ELMO1: variants seen among roughly 807,000 people sequenced by gnomAD.
ELMO1 encodes the protein engulfment and cell motility 1.
In ELMO1, 26 loss-of-function variants were observed where a neutral mutation model predicts 98.9. That is an observed-to-expected ratio of 0.26 (90% CI 0.19 to 0.36). The LOEUF (loss-of-function observed/expected upper bound fraction) is 0.36, where lower values mean the gene tolerates loss of function less well. Ranked by LOEUF, ELMO1 falls within the 10% of genes least tolerant of loss-of-function variation. The pLI, the probability that ELMO1 is intolerant of heterozygous loss-of-function variation, is 1.00. For synonymous variants in ELMO1, 346 were observed against 346.0 expected, an observed-to-expected ratio of 1.00 and a Z score of 0.00; for missense variants, 627 against 935.2, an observed-to-expected ratio of 0.67 and a Z score of 4.30.
intron 16 of ELMO1, among the ~76,000 whole-genome samples, chr7:37,012,824 C>T (rs989876892): frequency 3.3e-5 from 5 of 152,282 alleles, no homozygotes; most frequent in African/African-American, 1.2e-4. Context: ...TTCTTCTTGA[C>T]GTAGCTCGGG....
At chr7:36,897,576 A>G (rs569869671) in intron 16 of ELMO1, among the ~76,000 whole-genome samples, 28 of 152,230 alleles carry the variant, frequency 1.8e-4, no homozygotes, top group Admixed American at 1.0e-3. Flanking sequence ...GGAGTAGGAG[A>G]AGGAAGCTGG....
intron 13 of ELMO1, among the ~76,000 whole-genome samples, chr7:37,178,608 AT>A (rs201907769): frequency 0.023 from 1,181 of 50,460 alleles, 19 homozygotes; most frequent in African/African-American, 0.06. Context: ...TCTCAAAAAA[AT>A]TTTTTTAATT....
intron 1 of ELMO1, chr7:37,343,172 T>G: frequency 6.4e-6 from 1 of 156,854 alleles, no homozygotes; most frequent in South Asian, 1.9e-4. Flanking sequence ...GCCCAGGAAG[T>G]CATGGTCAGG....
intron 13 of ELMO1, among the ~76,000 whole-genome samples, chr7:37,172,530 A>G (rs1449307162): frequency 1.3e-5 from 2 of 152,198 alleles, no homozygotes; most frequent in African/African-American, 2.4e-5. Flanking sequence ...TATTCCTGCT[A>G]TTCTTTCATA....
chr7:37,398,165 T>A (rs1364044973), intron 1 of ELMO1, among the ~76,000 whole-genome samples: 3 of 152,166 alleles, frequency 2.0e-5, no homozygotes, highest in African/African-American at 4.8e-5. Context: ...ATTTAACATT[T>A]AAATTTAAAT....
chr7:37,237,446 T>C (rs887090452), intron 7 of ELMO1, among the ~76,000 whole-genome samples: 1 of 152,110 alleles, frequency 6.6e-6, no homozygotes, highest in Non-Finnish European at 1.5e-5. Context: ...CACACCACCA[T>C]GCCCAGCTAA....
At position 37,155,797 on chromosome 7, in the gene ELMO1, T is replaced by C. The variant is rs576171446; in HGVS notation, c.1087-22563A>G. ...GAAAATTAACACGGATATCCAGGAA[T>C]TGAACTCAGCTATGGACCAAGCAGA... On this transcript the variant is annotated intron_variant, in intron 13 of 21. Transcript: ENST00000310758. 1.1e-3 allele frequency among the ~76,000 whole-genome samples: 174 copies of C among 152,196 alleles called. 1 individual carries two copies. Among genetic ancestry groups the C allele is most frequent in the Non-Finnish European group, 2.2e-3 (150 of 68,018 alleles).
At chr7:37,178,170 G>T (rs1338617555) in intron 13 of ELMO1, among the ~76,000 whole-genome samples, 2 of 152,038 alleles carry the variant, frequency 1.3e-5, no homozygotes, top group African/African-American at 2.4e-5. Flanking sequence ...AGAAAAAGAG[G>T]TTTAATGGAC....
At position 36,855,229 on chromosome 7, in the gene ELMO1, G is replaced by A; in HGVS notation, c.*322C>T. 2 of 349,820 alleles carry A rather than the reference G, an allele frequency of 5.7e-6. No homozygotes were observed. The highest frequency in any genetic ancestry group is 3.0e-5 in the South Asian group (1 of 33,308). The allele number at this position is 349,820 out of a possible 1,614,324, so 21.7% of individuals were successfully genotyped here. A position where few individuals can be genotyped will look rare whatever the true frequency, so the allele number is the denominator to read the frequency against. Reference sequence around the variant, plus strand: ...TGCTGGCTTTCCTGCCCAAGGGAAGGAAGGGCATGCCTGCAGAGGGCTAGG... The same window carrying A: ...TGCTGGCTTTCCTGCCCAAGGGAAGAAAGGGCATGCCTGCAGAGGGCTAGG... On this transcript the variant is annotated 3_prime_UTR_variant, in exon 22 of 22. Transcript: ENST00000310758. This position sits in a 1 kb window ranked among gnomAD's most constrained non-coding sequence, Gnocchi z 4.2.
rs529788741 is a variant in ELMO1, at chr7:37,184,662, C to T, written c.1086+26724G>A. On this transcript the variant is annotated intron_variant, in intron 13 of 21. Transcript: ENST00000310758. Reference sequence around the variant, plus strand: ...ATGGCTCACACCTATAATCCTAGCACTTTGGAAGGCAGAGGTGGGCAGATC... The same window carrying T: ...ATGGCTCACACCTATAATCCTAGCATTTTGGAAGGCAGAGGTGGGCAGATC... Among the ~76,000 whole-genome samples, 14 of 152,236 alleles carry T rather than the reference C, an allele frequency of 9.2e-5. No individual in the cohort carries two copies. In the South Asian group the frequency reaches 2.7e-3, roughly 29 times the overall value.
chr7:37,221,664 G>T (rs1277239845), intron 10 of ELMO1, among the ~76,000 whole-genome samples: 1 of 151,894 alleles, frequency 6.6e-6, no homozygotes, highest in Non-Finnish European at 1.5e-5. Flanking sequence ...CAGAGGAAAG[G>T]TTCCATGTAT....
intron 1 of ELMO1, among the ~76,000 whole-genome samples, chr7:37,392,405 G>A (rs1284197354): frequency 6.6e-6 from 1 of 152,242 alleles, no homozygotes; most frequent in Non-Finnish European, 1.5e-5. Flanking sequence ...AAAGCCATTC[G>A]AGAGTCCATG....
chr7:37,426,125 T>C (rs1035996593), intron 1 of ELMO1, among the ~76,000 whole-genome samples: 4 of 143,076 alleles, frequency 2.8e-5, no homozygotes, highest in South Asian at 2.3e-4. Context: ...TCTCTCTCTC[T>C]CCCTCTTTTT....
At chr7:36,945,428 C>T (rs1197492930) in intron 16 of ELMO1, among the ~76,000 whole-genome samples, 1 of 152,120 alleles carries the variant, frequency 6.6e-6, no homozygotes. Context: ...GAGGTACAGG[C>T]ATACCCCAAA....
Position 37,417,683 on chromosome 7 carries a change from C to CACACACACACACACACACAA in ELMO1, c.-74+30991_-74+30992insTTGTGTGTGTGTGTGTGTGT, listed in dbSNP as rs753914608. 6.4e-3 allele frequency among the ~76,000 whole-genome samples: 930 copies of CACACACACACACACACACAA among 146,274 alleles called. 10 individuals carry two copies. Among genetic ancestry groups the CACACACACACACACACACAA allele is most frequent in the African/African-American group, 0.012 (489 of 39,544 alleles). ...CGTCACACACACACACACACACACA[C>CACACACACACACACACACAA]AAGCAAAAATTAGCTGGGTGTGGTG... is the stretch of plus-strand genomic sequence containing the variant. On this transcript the variant is annotated intron_variant, in intron 1 of 21. Coordinates refer to ENST00000310758, the MANE Select transcript of ELMO1 (RefSeq NM_014800.11).
chr7:36,874,819 G>C (rs922766065), intron 19 of ELMO1, among the ~76,000 whole-genome samples: 1 of 152,182 alleles, frequency 6.6e-6, no homozygotes, highest in East Asian at 1.9e-4. Flanking sequence ...GCTTGGGAGG[G>C]ATATGGGGAG....
intron 16 of ELMO1, among the ~76,000 whole-genome samples, chr7:36,920,444 C>T (rs1178668667): frequency 6.6e-6 from 1 of 152,100 alleles, no homozygotes; most frequent in Non-Finnish European, 1.5e-5. Context: ...AAACAACTGC[C>T]ACAATGTCCA....
chr7:36,875,830 A>G (rs1314501487), intron 19 of ELMO1, among the ~76,000 whole-genome samples: 1 of 152,144 alleles, frequency 6.6e-6, no homozygotes, highest in African/African-American at 2.4e-5. Context: ...GGCTGCCAAT[A>G]TCCTAGGTAG....
In ELMO1 at chr7:37,193,018, C is replaced by T. The variant is rs1382437887; in HGVS notation, c.1086+18368G>A. Among the ~76,000 whole-genome samples, 6 of 142,094 alleles carry T rather than the reference C, an allele frequency of 4.2e-5. No homozygotes were observed. The South Asian group carries it at 8.8e-4, about 21-fold the overall frequency. 93.2% of individuals were successfully genotyped at this position (142,094 alleles called of 152,430 possible). On this transcript the variant is annotated intron_variant, in intron 13 of 21. Coordinates refer to ENST00000310758, the MANE Select transcript of ELMO1 (RefSeq NM_014800.11). ...ATATATATATATATATACACACACA[C>T]ACATTTAAAGAGTGGAAAGAAAAAG...
Sources: allele counts gnomAD v4.1 joint callset (sites outside exome capture counted in the v4.1 genomes callset), GRCh38; gene constraint gnomAD v4.1.1; non-coding constraint Gnocchi (gnomAD v3.1); transcripts MANE v1.5; gene names NCBI Gene and HGNC (gene_info 2026-07-23, HGNC 2026-07-21).